SERAC1: variants seen among roughly 807,000 people sequenced by gnomAD.
SERAC1 encodes the protein serine active site containing 1, also known as protein SERAC1.
A neutral mutation model predicts 85.7 loss-of-function variants in SERAC1; 36 were observed. The ratio of observed to expected loss-of-function variants is 0.42; its 90% CI spans 0.32 to 0.55. The LOEUF (loss-of-function observed/expected upper bound fraction) is 0.55. Among genes scored for constraint, SERAC1 ranks in the 20% least tolerant of loss-of-function variants. The pLI is 0.11. For missense variants in SERAC1, 629 were observed against 796.2 expected, an observed-to-expected ratio of 0.79 and a Z score of 2.53; for synonymous variants, 242 against 265.3, an observed-to-expected ratio of 0.91 and a Z score of 0.85.
chr6:158,117,268 G>T lies in SERAC1; in HGVS notation c.1403+459C>A. 2.0e-6 allele frequency: 1 copy of T among 512,088 alleles called. No homozygotes were observed. The highest frequency in any genetic ancestry group is 3.5e-6 in the Non-Finnish European group (1 of 289,550). The allele number at this position is 512,088 out of a possible 1,614,324, so 31.7% of individuals were successfully genotyped here. On this transcript the variant is annotated intron_variant, in intron 13 of 16. Transcript: ENST00000647468. This position sits in a 1 kb window ranked among gnomAD's most constrained non-coding sequence, Gnocchi z 4.3. ...CACAGCAAATCAAAGGTAGGATCCG[G>T]CTACTCTCAGTCCAGTAACTCTGAA... is the stretch of plus-strand genomic sequence containing the variant.
intron 16 of SERAC1, 44 bp from the exon 17 acceptor site, chr6:158,111,546 G>C: frequency 6.7e-7 from 1 of 1,495,942 alleles, no homozygotes; most frequent in Non-Finnish European, 9.0e-7. Context: ...AAAAATATAA[G>C]CTTTCCCCTT....
Position 158,120,633 on chromosome 6 carries a change from A to T in SERAC1, c.1016-58T>A. 1.9e-6 allele frequency: 3 copies of T among 1,561,050 alleles called. No individual in the cohort carries two copies. The highest frequency in any genetic ancestry group is 2.6e-6 in the Non-Finnish European group (3 of 1,151,302). On this transcript the variant is annotated intron_variant, in intron 10 of 16. Transcript: ENST00000647468. The surrounding 1 kb of genome is among the most constrained non-coding windows in gnomAD (Gnocchi z 4.4). ...TGTGAATCCATCGCAGACCACAGAG[A>T]GAGTGAGGTTTCAAACTGAATATGA...
Position 158,120,547 on chromosome 6 carries a change from C to T in SERAC1, c.1044G>A (p.Met348Ile), listed in dbSNP as rs775942481. ...AGGACTCCATAATGTGGGGAGATTT[C>T]ATTGCTTCTGCCATGATGGAAACCC... ...SGWVSIMAEA[M>I]KSPHIMESSH... Residue 348 changes from methionine to isoleucine, a missense_variant, in exon 11 of 17, where the codon ATG (methionine) becomes ATA (isoleucine). Transcript: ENST00000647468. This position sits in a 1 kb window ranked among gnomAD's most constrained non-coding sequence, Gnocchi z 4.4. The T allele has an allele frequency of 6.2e-7, 1 of 1,613,976 alleles. No homozygotes were observed. The highest frequency in any genetic ancestry group is 8.5e-7 in the Non-Finnish European group (1 of 1,179,940).
At position 158,113,453 on chromosome 6, in the gene SERAC1, T is replaced by C; in HGVS notation, c.1824A>G (p.Ser608=). 6.2e-7 allele frequency: 1 copy of C among 1,611,548 alleles called. No individual in the cohort carries two copies. Among genetic ancestry groups the C allele is most frequent in the Non-Finnish European group, 8.5e-7 (1 of 1,178,152 alleles). The change falls in exon 16 of 17, where the codon TCA becomes TCG. Residue 608 remains serine, a synonymous_variant. Coordinates refer to ENST00000647468, the MANE Select transcript of SERAC1 (RefSeq NM_032861.4). ...AAGTTTCAAAAGAGTGAATACCTGC[T>C]GATTCCACAGGTACCACATGGAGCT... ...MIKLHVVPVE[S]ADLGIGDLIP...
intron 4 of SERAC1, 59 bp from the exon 5 acceptor site, chr6:158,149,013 G>A: frequency 7.8e-7 from 1 of 1,276,988 alleles, no homozygotes; most frequent in Non-Finnish European, 1.1e-6. Context: ...CTTTTGAGAT[G>A]GAATCTTACT....
chr6:158,117,481 T>C lies in SERAC1; in HGVS notation c.1403+246A>G. On this transcript the variant is annotated intron_variant, in intron 13 of 16. Transcript: ENST00000647468. This position sits in a 1 kb window ranked among gnomAD's most constrained non-coding sequence, Gnocchi z 4.3. ...CTAGACAATCCACGATCCTTCACTATTAGAACAGTTGTAAATAAACCATGT... is the reference window on the plus strand; with the variant it reads ...CTAGACAATCCACGATCCTTCACTACTAGAACAGTTGTAAATAAACCATGT... The C allele has an allele frequency of 6.5e-7, 1 of 1,543,732 alleles. No individual in the cohort carries two copies. Among genetic ancestry groups the C allele is most frequent in the Non-Finnish European group, 8.8e-7 (1 of 1,142,752 alleles).
chr6:158,151,413 C>T (rs1160842548), intron 3 of SERAC1, among the ~76,000 whole-genome samples: 1 of 146,736 alleles, frequency 6.8e-6, no homozygotes, highest in Non-Finnish European at 1.5e-5. Context: ...CAGAGCAAGA[C>T]CTCGTCTCAA....
rs199657907 is a variant in SERAC1, at chr6:158,147,907, AT to A, written c.355+957del. 6.8e-3 allele frequency among the ~76,000 whole-genome samples: 1,028 copies of A among 151,628 alleles called. 15 individuals are homozygous for A. Among genetic ancestry groups the A allele is most frequent in the African/African-American group, 0.024 (982 of 41,292 alleles). ...TTTTCCCAAACTATTTGAAAGGATG[AT>A]GTAGACAAAATGACATTTCAGCCTT... On this transcript the variant is annotated intron_variant, in intron 5 of 16. Coordinates refer to ENST00000647468, the MANE Select transcript of SERAC1 (RefSeq NM_032861.4).
intron 8 of SERAC1, among the ~76,000 whole-genome samples, chr6:158,134,479 T>C (rs1287223177): frequency 6.6e-6 from 1 of 152,142 alleles, no homozygotes; most frequent in African/African-American, 2.4e-5. Context: ...ACAAAAGACA[T>C]GGGAGACAAC....
At chr6:158,130,051 G>A (rs766691893) in intron 9 of SERAC1, among the ~76,000 whole-genome samples, 1 of 152,084 alleles carries the variant, frequency 6.6e-6, no homozygotes, top group African/African-American at 2.4e-5. Flanking sequence ...GAAATTATCT[G>A]AAAATAATAT....
At chr6:158,154,159 CAAAAAAAA>C (rs3041474) in intron 3 of SERAC1, among the ~76,000 whole-genome samples, 9 of 66,056 alleles carry the variant, frequency 1.4e-4, no homozygotes, top group East Asian at 8.3e-4. Flanking sequence ...AACTCTGTCT[CAAAAAAAA>C]AAAAAAAAAA....
At chr6:158,136,637 G>A (rs1179337017) in intron 8 of SERAC1, among the ~76,000 whole-genome samples, 2 of 152,198 alleles carry the variant, frequency 1.3e-5, no homozygotes, top group Admixed American at 1.3e-4. Flanking sequence ...TGGGACTACA[G>A]GCATGGGCCA....
chr6:158,149,042 T>A, intron 4 of SERAC1, 88 bp from the exon 5 acceptor site: 1 of 931,226 alleles, frequency 1.1e-6, no homozygotes, highest in Non-Finnish European at 1.6e-6. Flanking sequence ...CAGGTTGGAG[T>A]GCAGTGGCAC....
Position 158,110,531 on chromosome 6 carries a change from CAATT to C in SERAC1, c.*831_*834del, listed in dbSNP as rs1300908093. ...TCTACTACTCACATGCTATAGAGGT[CAATT>C]AATACCACTTGCAAATGAGCAAGGA... On this transcript the variant is annotated 3_prime_UTR_variant, in exon 17 of 17. Coordinates refer to ENST00000647468, the MANE Select transcript of SERAC1 (RefSeq NM_032861.4). 1.3e-5 allele frequency: 2 copies of C among 152,128 alleles called. No homozygotes were observed. Among genetic ancestry groups the C allele is most frequent in the Non-Finnish European group, 1.5e-5 (1 of 68,030 alleles). The allele number at this position is 152,128 out of a possible 1,614,324, so 9.4% of individuals were successfully genotyped here. A position where few individuals can be genotyped will look rare whatever the true frequency, so the allele number is the denominator to read the frequency against.
At chr6:158,156,736 T>TAA (rs1221401504) in intron 2 of SERAC1, among the ~76,000 whole-genome samples, 1 of 141,910 alleles carries the variant, frequency 7.0e-6, no homozygotes, top group East Asian at 2.0e-4. Context: ...TATATATATA[T>TAA]AAATATATTA....
chr6:158,153,608 C>T (rs1439535128), intron 3 of SERAC1, among the ~76,000 whole-genome samples: 1 of 152,216 alleles, frequency 6.6e-6, no homozygotes, highest in East Asian at 1.9e-4. Context: ...CTAAGAGCAA[C>T]ACCTGAAGTT....
chr6:158,160,494 C>A (rs1785463833), intron 1 of SERAC1, among the ~76,000 whole-genome samples: 1 of 152,138 alleles, frequency 6.6e-6, no homozygotes, highest in Non-Finnish European at 1.5e-5. Context: ...TCCTTTATCC[C>A]TATTAACATT....
In SERAC1 at chr6:158,117,559, T is replaced by C. The variant is rs1784319356; in HGVS notation, c.1403+168A>G. On this transcript the variant is annotated intron_variant, in intron 13 of 16. Coordinates refer to ENST00000647468, the MANE Select transcript of SERAC1 (RefSeq NM_032861.4). This position sits in a 1 kb window ranked among gnomAD's most constrained non-coding sequence, Gnocchi z 4.3. Reference sequence around the variant, plus strand: ...AAGCCTTCTACTATTCCACTGCTTATTGACAGCAAACTCCTTCTAGAAGGA... The same window carrying C: ...AAGCCTTCTACTATTCCACTGCTTACTGACAGCAAACTCCTTCTAGAAGGA... 1.3e-6 allele frequency: 2 copies of C among 1,551,016 alleles called. No homozygotes were observed. The highest frequency in any genetic ancestry group is 2.0e-5 in the Admixed American group (1 of 50,992).
intron 1 of SERAC1, among the ~76,000 whole-genome samples, chr6:158,164,065 A>G (rs1168405890): frequency 1.3e-5 from 2 of 152,066 alleles, no homozygotes; most frequent in African/African-American, 4.8e-5. Flanking sequence ...TAAGTCTTGA[A>G]GCTAGTAGTA....
Sources: allele counts gnomAD v4.1 joint callset (sites outside exome capture counted in the v4.1 genomes callset), GRCh38; gene constraint gnomAD v4.1.1; non-coding constraint Gnocchi (gnomAD v3.1); transcripts MANE v1.5; gene names NCBI Gene and HGNC (gene_info 2026-07-23, HGNC 2026-07-21).